ATP2B2: variants seen among roughly 807,000 people sequenced by gnomAD.
The protein encoded by ATP2B2 is ATPase plasma membrane Ca2+ transporting 2.
In ATP2B2, 15 loss-of-function variants were observed where a neutral mutation model predicts 120.0. That is an observed-to-expected ratio of 0.12 (90% CI 0.08 to 0.19). ATP2B2 has a LOEUF of 0.19. Among genes scored for constraint, ATP2B2 ranks in the 10% least tolerant of loss-of-function variants. The pLI is 1.00. For missense variants in ATP2B2, 1,045 were observed against 1,719.8 expected (o/e 0.61, Z 6.94); for synonymous variants, 694 against 700.3 (o/e 0.99, Z 0.14).
At chr3:10,606,880 A>ATC in intron 2 of ATP2B2, among the ~76,000 whole-genome samples, 1 of 100,100 alleles carries the variant, frequency 1.0e-5, no homozygotes, top group South Asian at 4.4e-4. Flanking sequence ...ACGGAGTCTA[A>ATC]ACACACACAC....
chr3:10,617,329 C>T (rs1251892510), intron 2 of ATP2B2, among the ~76,000 whole-genome samples: 1 of 152,138 alleles, frequency 6.6e-6, no homozygotes, highest in East Asian at 1.9e-4. Flanking sequence ...TTAAAAGATT[C>T]CCAGGGTTTC....
rs2061346300 is a variant in ATP2B2 at position 10,375,145 on chromosome 3, C to G, written c.1416+285G>C. Among the ~76,000 whole-genome samples the G allele has an allele frequency of 6.6e-6, 1 of 152,142 alleles. No individual in the cohort carries two copies. Among genetic ancestry groups the G allele is most frequent in the African/African-American group, 2.4e-5 (1 of 41,424 alleles). On this transcript the variant is annotated intron_variant, in intron 11 of 22. Coordinates refer to ENST00000360273, the MANE Select transcript of ATP2B2 (RefSeq NM_001001331.4). The surrounding 1 kb of genome is among the most constrained non-coding windows in gnomAD (Gnocchi z 4.2). ...TCTGGCTTCTCTTGGAAAAAGGTGA[C>G]AATGTGGCAATGCTGGGCCTGCACC...
intron 1 of ATP2B2, among the ~76,000 whole-genome samples, chr3:10,487,621 G>C (rs192148638): frequency 6.6e-6 from 1 of 152,316 alleles, no homozygotes; most frequent in East Asian, 1.9e-4. Context: ...CATGTCCCCA[G>C]TGCCCTCAGC....
At chr3:10,407,085 G>A (rs537946452) in intron 3 of ATP2B2, among the ~76,000 whole-genome samples, 97 of 152,294 alleles carry the variant, frequency 6.4e-4, no homozygotes, top group African/African-American at 2.1e-3. Flanking sequence ...TTTCTCCCCA[G>A]TGCGGGAAGC....
chr3:10,544,936 T>C (rs2067512826), intron 2 of ATP2B2, among the ~76,000 whole-genome samples: 2 of 152,182 alleles, frequency 1.3e-5, no homozygotes, highest in Admixed American at 1.3e-4. Context: ...GCTGAGAATG[T>C]CTCCAGCAGT....
At chr3:10,487,995 TTC>T (rs1209671344) in intron 1 of ATP2B2, among the ~76,000 whole-genome samples, 1 of 151,866 alleles carries the variant, frequency 6.6e-6, no homozygotes, top group Non-Finnish European at 1.5e-5. Context: ...CCACTTATTC[TTC>T]TGTCCCTCCA....
At chr3:10,345,787 C>A (rs944037793) in intron 17 of ATP2B2, among the ~76,000 whole-genome samples, 2 of 152,180 alleles carry the variant, frequency 1.3e-5, no homozygotes, top group African/African-American at 2.4e-5. Context: ...CCCCTCTCCC[C>A]CTCTGTTATC....
At chr3:10,677,907 C>G (rs1053286094) in intron 1 of ATP2B2, among the ~76,000 whole-genome samples, 4 of 152,226 alleles carry the variant, frequency 2.6e-5, no homozygotes, top group Admixed American at 2.6e-4. Context: ...CTAAGTACTT[C>G]TCTTGTGTTA....
At chr3:10,648,648 G>A (rs1171458779) in intron 1 of ATP2B2, among the ~76,000 whole-genome samples, 2 of 152,126 alleles carry the variant, frequency 1.3e-5, no homozygotes, top group Non-Finnish European at 2.9e-5. Context: ...ACCTGGTCCT[G>A]GGTTCCTTCC....
intron 2 of ATP2B2, among the ~76,000 whole-genome samples, chr3:10,614,331 T>C (rs1236711027): frequency 6.6e-6 from 1 of 151,992 alleles, no homozygotes; most frequent in Non-Finnish European, 1.5e-5. Flanking sequence ...AATGATCTGG[T>C]ACCTCCTGGA....
At chr3:10,330,681 A>G (rs2125325744) in intron 22 of ATP2B2, among the ~76,000 whole-genome samples, 1 of 152,334 alleles carries the variant, frequency 6.6e-6, no homozygotes, top group South Asian at 2.1e-4. Flanking sequence ...GGTCGTGGGG[A>G]GGCCCCTGAA....
intron 1 of ATP2B2, among the ~76,000 whole-genome samples, chr3:10,498,156 C>T (rs533743467): frequency 7.9e-5 from 12 of 152,336 alleles, no homozygotes; most frequent in East Asian, 3.9e-4. Flanking sequence ...GTTCAGTCTC[C>T]GACACAACGG....
At chr3:10,690,973 T>A (rs561991232) in intron 1 of ATP2B2, among the ~76,000 whole-genome samples, 10 of 152,382 alleles carry the variant, frequency 6.6e-5, no homozygotes, top group African/African-American at 2.2e-4. Context: ...TAGTAGGTGC[T>A]GAACAAGTAT....
At chr3:10,454,691 G>C (rs2064189538) in intron 1 of ATP2B2, among the ~76,000 whole-genome samples, 1 of 152,218 alleles carries the variant, frequency 6.6e-6, no homozygotes, top group Admixed American at 6.5e-5. Flanking sequence ...AAAGCTACTT[G>C]TATGATATTA....
chr3:10,587,124 T>C (rs1016889667), intron 2 of ATP2B2, among the ~76,000 whole-genome samples: 1 of 151,874 alleles, frequency 6.6e-6, no homozygotes, highest in African/African-American at 2.4e-5. Flanking sequence ...CAAAACCCCA[T>C]AGCTACAAAA....
intron 1 of ATP2B2, among the ~76,000 whole-genome samples, chr3:10,634,712 A>C (rs1176398404): frequency 6.6e-6 from 1 of 152,192 alleles, no homozygotes; most frequent in Admixed American, 6.5e-5. Flanking sequence ...TGTCTTCTCC[A>C]CAGAAGAGTG....
At chr3:10,494,236 C>T (rs564002515) in intron 1 of ATP2B2, among the ~76,000 whole-genome samples, 2 of 152,278 alleles carry the variant, frequency 1.3e-5, no homozygotes, top group African/African-American at 4.8e-5. Flanking sequence ...TCTGATCCCA[C>T]GACTGCTGCT....
At chr3:10,657,369 T>A (rs1360574790) in intron 1 of ATP2B2, among the ~76,000 whole-genome samples, 1 of 152,220 alleles carries the variant, frequency 6.6e-6, no homozygotes, top group Non-Finnish European at 1.5e-5. Flanking sequence ...CACCCTCATG[T>A]CTAAACATTA....
chr3:10,397,632 G>A (rs1398572248), intron 5 of ATP2B2, among the ~76,000 whole-genome samples: 2 of 152,128 alleles, frequency 1.3e-5, no homozygotes, highest in South Asian at 2.1e-4. Flanking sequence ...TGGGAAGAGA[G>A]GACAGCCTCA....
Sources: allele counts gnomAD v4.1 joint callset (sites outside exome capture counted in the v4.1 genomes callset), GRCh38; gene constraint gnomAD v4.1.1; non-coding constraint Gnocchi (gnomAD v3.1); transcripts MANE v1.5; gene names NCBI Gene and HGNC (gene_info 2026-07-23, HGNC 2026-07-21).